The following MAP4K5 variants were observed in gnomAD, a reference collection of about 807,000 sequenced individuals.
MAP4K5 encodes the protein mitogen-activated protein kinase kinase kinase kinase 5.
MAP4K5 carries 82 observed loss-of-function variants against 135.6 expected under a neutral mutation model. The observed-to-expected ratio is 0.60, with a 90% confidence interval of 0.51 to 0.73. The LOEUF is 0.73. Ranked by LOEUF, MAP4K5 falls within the 30% of genes least tolerant of loss-of-function variation. MAP4K5 has a pLI of 0.00. For synonymous variants in MAP4K5, 347 were observed against 335.0 expected (o/e 1.04, Z -0.39); for missense variants, 907 against 1,010.9 (o/e 0.90, Z 1.39).
intron 2 of MAP4K5, chr14:50,505,071 C>T (rs1041063324): frequency 2.0e-5 from 8 of 390,646 alleles, no homozygotes; most frequent in Non-Finnish European, 3.6e-5. Flanking sequence ...ATAGTCCCAC[C>T]ACTCAAAAAC....
chr14:50,433,002 T>C (rs2036008512), intron 28 of MAP4K5, among the ~76,000 whole-genome samples: 1 of 152,094 alleles, frequency 6.6e-6, no homozygotes, highest in Admixed American at 6.6e-5. Flanking sequence ...CACGCCCGGC[T>C]AAGTTTGTAT....
At chr14:50,553,718 A>G (rs150557767) in intron 1 of MAP4K5, among the ~76,000 whole-genome samples, 1 of 152,318 alleles carries the variant, frequency 6.6e-6, no homozygotes, top group Non-Finnish European at 1.5e-5. Flanking sequence ...CCATCAACCA[A>G]TGAGCGGATA....
chr14:50,483,006 T>TAGTG (rs2037283925), intron 5 of MAP4K5: 1 of 152,364 alleles, frequency 6.6e-6, no homozygotes. Context: ...GTGCAAAGCA[T>TAGTG]AGTGGTATGC....
chr14:50,464,806 C>A (rs536196888), intron 11 of MAP4K5, among the ~76,000 whole-genome samples: 3 of 152,218 alleles, frequency 2.0e-5, no homozygotes, highest in Non-Finnish European at 4.4e-5. Context: ...CAGTTCTCTG[C>A]AGAGAAATCA....
At chr14:50,486,296 C>A (rs1457012595) in intron 3 of MAP4K5, 102 bp from the exon 4 acceptor site, 3 of 523,972 alleles carry the variant, frequency 5.7e-6, no homozygotes, top group Non-Finnish European at 1.0e-5. Context: ...AGGAATGAGG[C>A]ATTCTTAATA....
intron 21 of MAP4K5, among the ~76,000 whole-genome samples, chr14:50,441,743 TACACACACAC>T (rs57651486): frequency 0.074 from 10,432 of 141,484 alleles, 419 homozygotes; most frequent in South Asian, 0.11. Context: ...AATTATTTTA[TACACACACAC>T]ACACACACAC....
Position 50,420,040 on chromosome 14 carries a change from A to G in MAP4K5, c.2520T>C (p.Ala840=). 1 of 1,609,784 alleles carries G rather than the reference A, an allele frequency of 6.2e-7. No individual in the cohort carries two copies. Among genetic ancestry groups the G allele is most frequent in the Non-Finnish European group, 8.5e-7 (1 of 1,177,740 alleles). ...PTAHSNLYIL[A]GHENSY ...TTGCTTAGTAACTATTTTCATGTCC[A>G]GCCAAGATGTAGAGATTGCTGTGTG... is the stretch of plus-strand genomic sequence containing the variant. Residue 840 remains alanine, a synonymous_variant, in exon 33 of 33, where the codon GCT becomes GCC. Coordinates refer to ENST00000682126, the MANE Select transcript of MAP4K5 (RefSeq NM_006575.6).
At chr14:50,427,643 T>C (rs2035875048) in intron 30 of MAP4K5, among the ~76,000 whole-genome samples, 1 of 152,196 alleles carries the variant, frequency 6.6e-6, no homozygotes. Context: ...TAGAATCATA[T>C]CATGAAATGT....
At chr14:50,456,671 T>C in intron 13 of MAP4K5, 77 bp from the exon 14 acceptor site, 1 of 817,944 alleles carries the variant, frequency 1.2e-6, no homozygotes, top group South Asian at 1.9e-5. Flanking sequence ...TCTTATCATT[T>C]ATTGATAAAT....
intron 1 of MAP4K5, among the ~76,000 whole-genome samples, chr14:50,546,992 C>T (rs2038641211): frequency 6.6e-6 from 1 of 152,100 alleles, no homozygotes. Flanking sequence ...CCCCTAGCCC[C>T]CCACCCCCCA....
chr14:50,509,842 G>A (rs950384946), intron 2 of MAP4K5, among the ~76,000 whole-genome samples: 1 of 151,938 alleles, frequency 6.6e-6, no homozygotes, highest in Non-Finnish European at 1.5e-5. Flanking sequence ...ATTTTCACTG[G>A]ACTCCTATAG....
Position 50,558,732 on chromosome 14 carries a change from G to C in MAP4K5, c.-180+2308C>G, listed in dbSNP as rs566927141. 1.2e-4 allele frequency among the ~76,000 whole-genome samples: 18 copies of C among 152,278 alleles called. 1 individual carries two copies. Among genetic ancestry groups the C allele is most frequent in the African/African-American group, 3.8e-4 (16 of 41,564 alleles). On this transcript the variant is annotated intron_variant, in intron 1 of 8. Transcript: ENST00000555216. ...TCAGGCTGGAATGTAAGCTGAGAAT[G>C]ATAGTAAAGGAATATAAGAAGAAAA...
At chr14:50,503,656 T>A (rs995024980) in intron 3 of MAP4K5, among the ~76,000 whole-genome samples, 2 of 152,072 alleles carry the variant, frequency 1.3e-5, no homozygotes, top group Admixed American at 6.6e-5. Flanking sequence ...AAACTGCAAT[T>A]ATTTATGCAT....
chr14:50,511,788 T>C (rs1191387345), intron 2 of MAP4K5, among the ~76,000 whole-genome samples: 2 of 152,082 alleles, frequency 1.3e-5, no homozygotes, highest in Non-Finnish European at 2.9e-5. Context: ...AAGAAGCCAG[T>C]CTAAGAAGGC....
chr14:50,472,628 A>G (rs2036992041), intron 9 of MAP4K5: 1 of 152,224 alleles, frequency 6.6e-6, no homozygotes, highest in Non-Finnish European at 1.5e-5. Context: ...CTAGTTGAAG[A>G]CATGAAAGAA....
intron 11 of MAP4K5, 112 bp from the exon 12 acceptor site, chr14:50,464,245 G>T: frequency 1.7e-6 from 1 of 603,960 alleles, no homozygotes; most frequent in Non-Finnish European, 2.9e-6. Flanking sequence ...TTTTTATTGG[G>T]CCACTTAGTT....
intron 2 of MAP4K5, among the ~76,000 whole-genome samples, chr14:50,530,191 T>C (rs933442941): frequency 2.0e-5 from 3 of 152,158 alleles, no homozygotes; most frequent in Non-Finnish European, 2.9e-5. Context: ...TAGAGTATGA[T>C]GAATATTCGG....
intron 32 of MAP4K5, among the ~76,000 whole-genome samples, chr14:50,421,065 T>A (rs962821854): frequency 6.6e-5 from 10 of 152,144 alleles, no homozygotes; most frequent in African/African-American, 2.2e-4. Context: ...TAGCATGTTA[T>A]TACTTTAATA....
chr14:50,473,713 T>TC (rs1341068556), intron 9 of MAP4K5, among the ~76,000 whole-genome samples: 2 of 139,142 alleles, frequency 1.4e-5, no homozygotes, highest in African/African-American at 2.7e-5. Flanking sequence ...TCTTTTGGTT[T>TC]CACTTTTTTT....
Sources: allele counts gnomAD v4.1 joint callset (sites outside exome capture counted in the v4.1 genomes callset), GRCh38; gene constraint gnomAD v4.1.1; transcripts MANE v1.5; gene names NCBI Gene and HGNC (gene_info 2026-07-23, HGNC 2026-07-21).